The following RETREG2 variants were observed in gnomAD, a reference collection of about 807,000 sequenced individuals.
RETREG2 encodes the protein reticulophagy regulator family member 2, also known as reticulophagy regulator 2.
Under a neutral mutation model 51.6 loss-of-function variants are expected in RETREG2, and 21 were observed. That is an observed-to-expected ratio of 0.41 (90% CI 0.29 to 0.59). RETREG2 has a LOEUF of 0.59. Among genes scored for constraint, RETREG2 ranks in the 20% least tolerant of loss-of-function variants. The pLI is 0.34. For missense variants in RETREG2, 674 were observed against 646.0 expected, an observed-to-expected ratio of 1.04 and a Z score of -0.47; for synonymous variants, 339 against 288.6, an observed-to-expected ratio of 1.17 and a Z score of -1.77.
chr2:219,179,624 C>T, intron 2 of RETREG2, 109 bp from the exon 3 acceptor site: 2 of 1,013,066 alleles, frequency 2.0e-6, no homozygotes, highest in Non-Finnish European at 3.1e-6. Flanking sequence ...CCATTGGCAT[C>T]TGAAGAAGGT....
intron 1 of RETREG2, 29 bp downstream of exon 1, chr2:219,178,662 C>T (rs925227517): frequency 9.7e-6 from 12 of 1,242,072 alleles, no homozygotes; most frequent in Non-Finnish European, 1.1e-5. Flanking sequence ...GGGGCGGGGC[C>T]GGGATGAGCG....
At position 219,180,027 on chromosome 2, in the gene RETREG2, A is replaced by C. The variant is rs190360704; in HGVS notation, c.420-83A>C. 1,514 of 1,555,006 alleles carry C rather than the reference A, an allele frequency of 9.7e-4. 17 individuals carry two copies. In the African/African-American group the frequency reaches 0.018, roughly 19 times the overall value. On this transcript the variant is annotated intron_variant, in intron 3 of 8. Coordinates refer to ENST00000430297, the MANE Select transcript of RETREG2 (RefSeq NM_024293.6). ...GGTCATTTGCTTTTTTAGACTAAAG[A>C]TATCTTTGGCATTCTCAGAGGGATT...
chr2:219,181,741 G>A lies in RETREG2; in HGVS notation c.981G>A (p.Arg327=). The part of the protein sequence containing the change: ...ILESGGFSVS[R]ATTPQLTDVS... ...AGAGTGGTGGCTTCTCCGTATCCCG[G>A]GCCACAACTCCGCAGCTGACTGATG... The change falls in exon 8 of 9, where the codon CGG becomes CGA. Residue 327 remains arginine (R), a synonymous_variant. Transcript: ENST00000430297. 6.2e-7 allele frequency: 1 copy of A among 1,613,942 alleles called. No individual in the cohort carries two copies. Among genetic ancestry groups the A allele is most frequent in the East Asian group, 2.2e-5 (1 of 44,870 alleles).
At position 219,181,701 on chromosome 2, in the gene RETREG2, A is replaced by T; in HGVS notation, c.941A>T (p.Glu314Val). The T allele has an allele frequency of 6.2e-7, 1 of 1,614,128 alleles. No individual in the cohort carries two copies. Among genetic ancestry groups the T allele is most frequent in the Non-Finnish European group, 8.5e-7 (1 of 1,179,996 alleles). Residue 314 changes from glutamate to valine, a missense_variant, in exon 8 of 9, where the codon GAG becomes GTG. Transcript: ENST00000430297. ...AITDSELSDE[E>V]ASILESGGFS... ...ACAGACTCAGAGCTGTCAGATGAGG[A>T]GGCTTCTATCTTGGAGAGTGGTGGC...
chr2:219,182,304 A>G lies in RETREG2; in HGVS notation c.1307A>G (p.Glu436Gly). ...PGGPVETLSP[E>G]TVSGGLTALP... ...GGACCAGTGGAGACACTGAGCCCCG[A>G]GACAGTGAGTGGTGGCCTCACTGCT... is the stretch of plus-strand genomic sequence containing the variant. Residue 436 changes from glutamate to glycine, a missense_variant, in exon 9 of 9, where the codon GAG becomes GGG. Transcript: ENST00000430297. The G allele has an allele frequency of 6.2e-7, 1 of 1,614,062 alleles. No homozygotes were observed. Among genetic ancestry groups the G allele is most frequent in the South Asian group, 1.1e-5 (1 of 91,074 alleles).
rs1574779673 is a variant in RETREG2, at chr2:219,178,392, G to T, written c.40G>T (p.Gly14Trp). Residue 14 changes from glycine (G) to tryptophan (W), a missense_variant, in exon 1 of 9, where the codon GGG becomes TGG. Gly to Trp is a radical substitution (Grantham distance 184, BLOSUM62 -2). Coordinates refer to ENST00000430297, the MANE Select transcript of RETREG2 (RefSeq NM_024293.6). ...GGGGGNTGAGGGPGMGLSLGL... is the reference protein window; with the variant it reads ...GGGGGNTGAGWGPGMGLSLGL... Reference sequence around the variant, plus strand: ...TGGCGGGGGTAACACTGGCGCGGGTGGGGGGCCGGGGATGGGCCTGAGCCT... The same window carrying T: ...TGGCGGGGGTAACACTGGCGCGGGTTGGGGGCCGGGGATGGGCCTGAGCCT... 2.4e-5 allele frequency: 12 copies of T among 496,544 alleles called. No individual in the cohort carries two copies. In the South Asian group the frequency reaches 2.8e-4, roughly 12 times the overall value. The allele number at this position is 496,544 out of a possible 1,614,324, so 30.8% of individuals were successfully genotyped here. A position where few individuals can be genotyped will look rare whatever the true frequency, so the allele number is the denominator to read the frequency against.
chr2:219,179,255 T>A (rs1003270513), intron 2 of RETREG2, among the ~76,000 whole-genome samples: 1 of 152,252 alleles, frequency 6.6e-6, no homozygotes, highest in African/African-American at 2.4e-5. Context: ...CCATATTACC[T>A]GGGTTCCATT....
Position 219,184,820 on chromosome 2 carries a change from T to C in RETREG2, c.*2191T>C, listed in dbSNP as rs940729733. On this transcript the variant is annotated 3_prime_UTR_variant, in exon 9 of 9. Transcript: ENST00000430297. ...GTTGTTGTTTTGGTTTTTTGTTTTTTGTGGGTTTTTTTTTTTTTTTTTTTG... is the reference window on the plus strand; with the variant it reads ...GTTGTTGTTTTGGTTTTTTGTTTTTCGTGGGTTTTTTTTTTTTTTTTTTTG... The C allele has an allele frequency of 5.0e-5, 5 of 99,660 alleles. No homozygotes were observed. Among genetic ancestry groups the C allele is most frequent in the African/African-American group, 1.6e-4 (5 of 31,050 alleles). 6.2% of individuals were successfully genotyped at this position (99,660 alleles called of 1,614,324 possible).
chr2:219,181,354 C>T lies in RETREG2; in HGVS notation c.785-15C>T, dbSNP rs1396355597. ...TTCATGCTTGGTCATTGCTCTACTA[C>T]TCTTGCTTTTCTAGAGCGTCAGGGG... On this transcript the variant is annotated splice_polypyrimidine_tract_variant and intron_variant, in intron 6 of 8. Transcript: ENST00000430297. The T allele has an allele frequency of 1.2e-6, 2 of 1,612,704 alleles. No individual in the cohort carries two copies. The highest frequency in any genetic ancestry group is 2.2e-5 in the East Asian group (1 of 44,888).
At chr2:219,180,266 C>G (rs2106397320) in intron 4 of RETREG2, 21 bp downstream of exon 4, 1 of 1,613,994 alleles carries the variant, frequency 6.2e-7, no homozygotes, top group South Asian at 1.1e-5. Flanking sequence ...CTACATCATA[C>G]AACAGTTCAC....
chr2:219,182,963 CCTTT>C lies in RETREG2; in HGVS notation c.*339_*342del, dbSNP rs1478107859. On this transcript the variant is annotated 3_prime_UTR_variant, in exon 9 of 9. Coordinates refer to ENST00000430297, the MANE Select transcript of RETREG2 (RefSeq NM_024293.6). ...ATGCCCCAAGCCCTGGTGGTCTGGC[CCTTT>C]CTTTTTCCTCCTATCCTCAGGGACC... is the stretch of plus-strand genomic sequence containing the variant. The C allele has an allele frequency of 2.7e-5, 9 of 332,770 alleles. No individual in the cohort carries two copies. Among genetic ancestry groups the C allele is most frequent in the Non-Finnish European group, 5.1e-5 (9 of 176,508 alleles). 20.6% of individuals were successfully genotyped at this position (332,770 alleles called of 1,614,324 possible).
Position 219,182,706 on chromosome 2 carries a change from C to G in RETREG2, c.*77C>G. 6.5e-7 allele frequency: 1 copy of G among 1,544,964 alleles called. No individual in the cohort carries two copies. Among genetic ancestry groups the G allele is most frequent in the East Asian group, 2.3e-5 (1 of 44,208 alleles). ...GTGTTGCTGTTTCCTCCTTTGCCTACCACTCTGGGGTGGGGCAGTGTGTGG... is the reference window on the plus strand; with the variant it reads ...GTGTTGCTGTTTCCTCCTTTGCCTAGCACTCTGGGGTGGGGCAGTGTGTGG... On this transcript the variant is annotated 3_prime_UTR_variant, in exon 9 of 9. Transcript: ENST00000430297.
In RETREG2 at chr2:219,178,650, AGGGGGC is replaced by A; in HGVS notation, c.281+22_281+27del. The stretch of plus-strand genomic sequence containing the variant: ...CCTCTTCTGGTAACGGCCGCGGAGG[AGGGGGC>A]GGGGCCGGGATGAGCGGGGGAGGGA... On this transcript the variant is annotated intron_variant, in intron 1 of 8. Coordinates refer to ENST00000430297, the MANE Select transcript of RETREG2 (RefSeq NM_024293.6). The A allele has an allele frequency of 9.3e-7, 1 of 1,071,636 alleles. No individual in the cohort carries two copies. The highest frequency in any genetic ancestry group is 1.1e-6 in the Non-Finnish European group (1 of 876,516). 66.4% of individuals were successfully genotyped at this position (1,071,636 alleles called of 1,614,324 possible).
intron 5 of RETREG2, 70 bp from the exon 6 acceptor site, chr2:219,180,992 G>C: frequency 6.3e-7 from 1 of 1,593,752 alleles, no homozygotes; most frequent in South Asian, 1.1e-5. Flanking sequence ...CTTCAGTTTA[G>C]GGACCAGTTG....
intron 1 of RETREG2, 112 bp downstream of exon 1, chr2:219,178,745 A>C (rs150316142): frequency 8.6e-6 from 11 of 1,278,346 alleles, no homozygotes; most frequent in South Asian, 7.6e-5. Flanking sequence ...ACCCATCCCC[A>C]GTTTTTGCAG....
In RETREG2 at chr2:219,181,378, G is replaced by A; in HGVS notation, c.794G>A (p.Gly265Glu). Residue 265 changes from glycine (G) to glutamate (E), a missense_variant, in exon 7 of 9, where the codon GGG becomes GAG. Coordinates refer to ENST00000430297, the MANE Select transcript of RETREG2 (RefSeq NM_024293.6). ...HHKHDKRKRQ[G>E]KNAPPGGDEP... The stretch of plus-strand genomic sequence containing the variant: ...ACTCTTGCTTTTCTAGAGCGTCAGG[G>A]GAAGAATGCACCCCCAGGAGGTGAT... 1 of 1,614,054 alleles carries A rather than the reference G, an allele frequency of 6.2e-7. No homozygotes were observed. Among genetic ancestry groups the A allele is most frequent in the Non-Finnish European group, 8.5e-7 (1 of 1,179,990 alleles).
Position 219,178,337 on chromosome 2 carries a change from C to T in RETREG2, c.-16C>T, listed in dbSNP as rs1222817467. 13 of 403,942 alleles carry T rather than the reference C, an allele frequency of 3.2e-5. No individual in the cohort carries two copies. Among genetic ancestry groups the T allele is most frequent in the Non-Finnish European group, 4.4e-6 (1 of 229,682 alleles). 25.0% of individuals were successfully genotyped at this position (403,942 alleles called of 1,614,324 possible). ...CCTGGCTCCTCGCGGGCTCGGGCGGCGGCTGCGGCGGGGCTATGGCGAGCG... is the reference window on the plus strand; with the variant it reads ...CCTGGCTCCTCGCGGGCTCGGGCGGTGGCTGCGGCGGGGCTATGGCGAGCG... On this transcript the variant is annotated 5_prime_UTR_variant, in exon 1 of 9. Transcript: ENST00000430297.
chr2:219,182,927 C>T lies in RETREG2; in HGVS notation c.*298C>T, dbSNP rs1334795825. 2 of 434,082 alleles carry T rather than the reference C, an allele frequency of 4.6e-6. No individual in the cohort carries two copies. Among genetic ancestry groups the T allele is most frequent in the Admixed American group, 7.0e-5 (2 of 28,548 alleles). 26.9% of individuals were successfully genotyped at this position (434,082 alleles called of 1,614,324 possible). A position where few individuals can be genotyped will look rare whatever the true frequency, so the allele number is the denominator to read the frequency against. On this transcript the variant is annotated 3_prime_UTR_variant, in exon 9 of 9. Coordinates refer to ENST00000430297, the MANE Select transcript of RETREG2 (RefSeq NM_024293.6). The stretch of plus-strand genomic sequence containing the variant: ...CTTGCCTCCCTGCCTCATCTCTATT[C>T]TCATTCCACTATGCCCCAAGCCCTG...
At chr2:219,179,838 C>A in intron 3 of RETREG2, 75 bp downstream of exon 3, 2 of 1,470,098 alleles carry the variant, frequency 1.4e-6, no homozygotes, top group Non-Finnish European at 9.5e-7. Context: ...CACCATGGAG[C>A]AGGGCAGTGC....
Sources: allele counts gnomAD v4.1 joint callset (sites outside exome capture counted in the v4.1 genomes callset), GRCh38; gene constraint gnomAD v4.1.1; transcripts MANE v1.5; gene names NCBI Gene and HGNC (gene_info 2026-07-23, HGNC 2026-07-21).